Variants in STX8 observed in about 807,000 individuals in gnomAD.
STX8 encodes the protein syntaxin-8.
A neutral mutation model predicts 37.5 loss-of-function variants in STX8; 23 were observed. The ratio of observed to expected loss-of-function variants is 0.61; its 90% CI spans 0.44 to 0.87. The LOEUF (loss-of-function observed/expected upper bound fraction) is 0.87, where lower values mean the gene tolerates loss of function less well. STX8 is among the 40% of genes least tolerant of loss of function. The pLI is 0.00. For synonymous variants in STX8, 115 were observed against 99.1 expected (o/e 1.16, Z -0.95); for missense variants, 313 against 284.7 (o/e 1.10, Z -0.71).
intron 7 of STX8, among the ~76,000 whole-genome samples, chr17:9,284,355 A>C (rs985008024): frequency 6.6e-6 from 1 of 152,234 alleles, no homozygotes; most frequent in African/African-American, 2.4e-5. Context: ...GGCTCACCAA[A>C]ACAAATAAGC....
intron 4 of STX8, among the ~76,000 whole-genome samples, chr17:9,520,620 A>C (rs1175651242): frequency 6.6e-6 from 1 of 152,222 alleles, no homozygotes; most frequent in African/African-American, 2.4e-5. Flanking sequence ...TCACTTCTAA[A>C]GACATAAAAT....
chr17:9,544,152 A>G (rs1356307515), intron 4 of STX8, among the ~76,000 whole-genome samples: 2 of 152,164 alleles, frequency 1.3e-5, no homozygotes, highest in Non-Finnish European at 2.9e-5. Context: ...CCAACTAGAA[A>G]CAAGCTCCTC....
chr17:9,540,532 G>A (rs144394368), intron 4 of STX8: 8 of 152,224 alleles, frequency 5.3e-5, no homozygotes, highest in Non-Finnish European at 1.0e-4. Context: ...CCAGGCCACC[G>A]ACATCATTCT....
chr17:9,390,937 C>T (rs1389139307), intron 6 of STX8, among the ~76,000 whole-genome samples: 2 of 151,892 alleles, frequency 1.3e-5, no homozygotes, highest in African/African-American at 4.8e-5. Context: ...GCTGGAGCAC[C>T]CCCTCAAAAA....
chr17:9,336,206 T>C (rs1305093496), intron 7 of STX8, among the ~76,000 whole-genome samples: 1 of 152,170 alleles, frequency 6.6e-6, no homozygotes, highest in African/African-American at 2.4e-5. Context: ...GAAAAGCAAG[T>C]GCTGAATGCA....
intron 7 of STX8, among the ~76,000 whole-genome samples, chr17:9,324,762 T>C (rs1466423478): frequency 1.9e-5 from 2 of 106,116 alleles, no homozygotes; most frequent in African/African-American, 4.2e-5. Context: ...CAAAACTCCA[T>C]CTCAAAAAAA....
intron 4 of STX8, chr17:9,540,699 G>A (rs1355011676): frequency 6.6e-6 from 1 of 152,156 alleles, no homozygotes; most frequent in Non-Finnish European, 1.5e-5. Context: ...CACTCCACAG[G>A]AGTCATTTCT....
chr17:9,312,647 G>C (rs1034425915), intron 7 of STX8, among the ~76,000 whole-genome samples: 1 of 152,210 alleles, frequency 6.6e-6, no homozygotes, highest in South Asian at 2.1e-4. Flanking sequence ...TGATTTGTTA[G>C]GAGAGCAAGG....
intron 7 of STX8, among the ~76,000 whole-genome samples, chr17:9,372,221 C>G (rs193301887): frequency 6.6e-6 from 1 of 152,092 alleles, no homozygotes; most frequent in Non-Finnish European, 1.5e-5. Flanking sequence ...TTTTCCCTCC[C>G]GTCTTTTTCT....
In STX8 at chr17:9,558,627, AG is replaced by A. The variant is rs545629810; in HGVS notation, c.118-1100del. Among the ~76,000 whole-genome samples, 535 of 152,182 alleles carry A rather than the reference AG, an allele frequency of 3.5e-3. 2 individuals are homozygous for A. The highest frequency in any genetic ancestry group is 4.8e-3 in the Non-Finnish European group (324 of 67,978). ...GAGGAGGGTGGATCACAAGGTCAGG[AG>A]ATCCAGACGACGGTGAAACCCCGTC... On this transcript the variant is annotated intron_variant, in intron 2 of 7. Transcript: ENST00000306357.
chr17:9,376,336 C>T (rs1026042413), intron 7 of STX8, among the ~76,000 whole-genome samples: 10 of 152,070 alleles, frequency 6.6e-5, no homozygotes, highest in East Asian at 5.8e-4. Context: ...CCAACCAGCA[C>T]GCTGTAAAAA....
chr17:9,285,577 A>G (rs576826486), intron 7 of STX8, among the ~76,000 whole-genome samples: 384 of 152,288 alleles, frequency 2.5e-3, no homozygotes, highest in Non-Finnish European at 4.3e-3. Flanking sequence ...CATTACACAC[A>G]ATGAGATGCC....
At chr17:9,506,614 T>A (rs1904847617) in intron 4 of STX8, among the ~76,000 whole-genome samples, 1 of 152,186 alleles carries the variant, frequency 6.6e-6, no homozygotes, top group East Asian at 1.9e-4. Context: ...CCTGGACATA[T>A]GAAGGCCTTC....
chr17:9,358,664 CG>C (rs1474360642), intron 7 of STX8, among the ~76,000 whole-genome samples: 1 of 152,096 alleles, frequency 6.6e-6, no homozygotes, highest in African/African-American at 2.4e-5. Context: ...CAAAAGAAAC[CG>C]GAGGATGGCA....
intron 6 of STX8, among the ~76,000 whole-genome samples, chr17:9,390,968 G>A (rs1272723465): frequency 6.6e-6 from 1 of 152,066 alleles, no homozygotes; most frequent in African/African-American, 2.4e-5. Context: ...AACTTTATTG[G>A]GGCAATGGCA....
chr17:9,330,538 G>GC (rs1258138788), intron 7 of STX8, among the ~76,000 whole-genome samples: 1 of 152,136 alleles, frequency 6.6e-6, no homozygotes, highest in Non-Finnish European at 1.5e-5. Flanking sequence ...ACACTCTTCT[G>GC]CCCCCTACCA....
At chr17:9,393,182 A>C (rs1163740164) in intron 6 of STX8, among the ~76,000 whole-genome samples, 1 of 152,252 alleles carries the variant, frequency 6.6e-6, no homozygotes, top group African/African-American at 2.4e-5. Context: ...ATCAGAGGCC[A>C]GAAGGAAGTA....
chr17:9,326,645 A>G (rs989189656), intron 7 of STX8, among the ~76,000 whole-genome samples: 1 of 152,206 alleles, frequency 6.6e-6, no homozygotes, highest in African/African-American at 2.4e-5. Flanking sequence ...GTCCTGAGGC[A>G]GAACTTGTCG....
At chr17:9,258,064 G>A (rs1906869050) in intron 7 of STX8, among the ~76,000 whole-genome samples, 1 of 152,216 alleles carries the variant, frequency 6.6e-6, no homozygotes, top group African/African-American at 2.4e-5. Flanking sequence ...TAGGCCAACT[G>A]GCAACCCACA....
Sources: allele counts gnomAD v4.1 joint callset (sites outside exome capture counted in the v4.1 genomes callset), GRCh38; gene constraint gnomAD v4.1.1; transcripts MANE v1.5; gene names NCBI Gene and HGNC (gene_info 2026-07-23, HGNC 2026-07-21).